Variants in HS3ST4 observed in about 807,000 individuals in gnomAD.
The protein encoded by HS3ST4 is heparan sulfate glucosamine 3-O-sulfotransferase 4.
In HS3ST4, 17 loss-of-function variants were observed where a neutral mutation model predicts 29.2. The observed-to-expected ratio is 0.58, with a 90% CI of 0.40 to 0.87. The LOEUF is 0.87. Ranked by LOEUF, HS3ST4 falls within the 40% of genes least tolerant of loss-of-function variation. The probability of loss-of-function intolerance (pLI) is 0.00; values close to 1 mark genes in which losing one functional copy is unlikely to be tolerated. For synonymous variants in HS3ST4, 314 were observed against 285.7 expected (o/e 1.10, Z -1.00); for missense variants, 627 against 634.5 (o/e 0.99, Z 0.13).
chr16:26,047,007 TAAAAA>T (rs552543911), intron 1 of HS3ST4, among the ~76,000 whole-genome samples: 24 of 151,074 alleles, frequency 1.6e-4, no homozygotes, highest in Non-Finnish European at 2.8e-4. Flanking sequence ...TCTTGCAAAA[TAAAAA>T]AAAAGAGTAA....
At chr16:25,979,336 G>A (rs1176811678) in intron 1 of HS3ST4, among the ~76,000 whole-genome samples, 4 of 152,138 alleles carry the variant, frequency 2.6e-5, no homozygotes, top group Non-Finnish European at 5.9e-5. Context: ...TTAGGAGCCG[G>A]GCCACACCAC....
chr16:26,054,784 G>A (rs1169152503), intron 1 of HS3ST4, among the ~76,000 whole-genome samples: 6 of 152,134 alleles, frequency 3.9e-5, no homozygotes, highest in African/African-American at 4.8e-5. Flanking sequence ...AGGTGCTCTG[G>A]GAGCCATCGC....
Position 26,032,715 on chromosome 16 carries a change from C to G in HS3ST4, c.735-102897C>G. On this transcript the variant is annotated intron_variant, in intron 1 of 1. Coordinates refer to ENST00000331351, the MANE Select transcript of HS3ST4 (RefSeq NM_006040.3). ...GTCTTGGGCTCTGGCTTTGGAGGAG[C>G]AGGTTTAGCAGACAACCTCGCGGAT... 4.4e-6 allele frequency: 5 copies of G among 1,139,418 alleles called. No homozygotes were observed. The South Asian group carries it at 6.1e-5, about 14-fold the overall frequency. The allele number at this position is 1,139,418 out of a possible 1,614,324, so 70.6% of individuals were successfully genotyped here. A position where few individuals can be genotyped will look rare whatever the true frequency, so the allele number is the denominator to read the frequency against.
intron 1 of HS3ST4, among the ~76,000 whole-genome samples, chr16:25,957,004 A>T (rs1044882541): frequency 9.9e-4 from 150 of 151,618 alleles, no homozygotes; most frequent in African/African-American, 3.5e-3. Flanking sequence ...TCTCAAAAAA[A>T]AAAAAAAAAA....
intron 1 of HS3ST4, among the ~76,000 whole-genome samples, chr16:25,940,875 C>A (rs1968565654): frequency 6.6e-6 from 1 of 152,186 alleles, no homozygotes; most frequent in African/African-American, 2.4e-5. Flanking sequence ...CAGCTCTCTC[C>A]CTTGCTTTCT....
intron 1 of HS3ST4, among the ~76,000 whole-genome samples, chr16:25,908,227 A>G (rs1684245428): frequency 6.6e-6 from 1 of 152,236 alleles, no homozygotes. Context: ...AAAAGCCAAG[A>G]TATGAAACAA....
At chr16:25,705,419 A>G (rs188487375) in intron 1 of HS3ST4, among the ~76,000 whole-genome samples, 1,632 of 152,236 alleles carry the variant, frequency 0.011, 32 homozygotes, top group African/African-American at 0.037. Flanking sequence ...TAATCCCAGC[A>G]CTTTGGGAGG....
At chr16:25,835,606 T>C (rs929119335) in intron 1 of HS3ST4, among the ~76,000 whole-genome samples, 6 of 152,148 alleles carry the variant, frequency 3.9e-5, no homozygotes, top group Non-Finnish European at 5.9e-5. Context: ...GTAATCCCAT[T>C]TGACAGATGA....
intron 1 of HS3ST4, among the ~76,000 whole-genome samples, chr16:26,120,978 T>C (rs1010260336): frequency 3.3e-5 from 5 of 152,238 alleles, no homozygotes; most frequent in Non-Finnish European, 7.3e-5. Flanking sequence ...AGTTAATTCC[T>C]TTCAGGCACC....
intron 1 of HS3ST4, among the ~76,000 whole-genome samples, chr16:26,026,783 C>T (rs989553043): frequency 5.3e-5 from 8 of 152,140 alleles, no homozygotes; most frequent in South Asian, 2.1e-4. Flanking sequence ...ATCAGATGTA[C>T]GCTCTGAGTC....
Position 25,877,454 on chromosome 16 carries a change from T to C in HS3ST4, c.734+184303T>C, listed in dbSNP as rs944734019. 5.9e-5 allele frequency among the ~76,000 whole-genome samples: 9 copies of C among 152,180 alleles called. No homozygotes were observed. In the South Asian group the frequency reaches 1.2e-3, roughly 21 times the overall value. Reference sequence around the variant, plus strand: ...CTCTCTGTTAATCACTCCCAGTTTCTTCAACCACCAGAGGTGTCATTCAAA... The same window carrying C: ...CTCTCTGTTAATCACTCCCAGTTTCCTCAACCACCAGAGGTGTCATTCAAA... On this transcript the variant is annotated intron_variant, in intron 1 of 1. Coordinates refer to ENST00000331351, the MANE Select transcript of HS3ST4 (RefSeq NM_006040.3).
intron 1 of HS3ST4, among the ~76,000 whole-genome samples, chr16:25,986,915 A>T (rs1341610701): frequency 6.6e-6 from 1 of 152,232 alleles, no homozygotes; most frequent in Non-Finnish European, 1.5e-5. Flanking sequence ...ATTACATTTC[A>T]TTAACAGGGA....
At chr16:26,126,139 C>T (rs1283826582) in intron 1 of HS3ST4, among the ~76,000 whole-genome samples, 2 of 152,146 alleles carry the variant, frequency 1.3e-5, no homozygotes, top group Non-Finnish European at 2.9e-5. Context: ...AGAGAGTGTC[C>T]CTCATCTTCT....
chr16:25,864,201 G>T (rs975180284), intron 1 of HS3ST4, among the ~76,000 whole-genome samples: 18 of 152,162 alleles, frequency 1.2e-4, no homozygotes, highest in African/African-American at 4.3e-4. Context: ...AATAAAAATT[G>T]CATGTATTTA....
At chr16:25,694,767 GT>G (rs796292619) in intron 1 of HS3ST4, among the ~76,000 whole-genome samples, 389 of 144,782 alleles carry the variant, frequency 2.7e-3, no homozygotes, top group African/African-American at 7.9e-3. Flanking sequence ...GGGTAATTGC[GT>G]TTTTTTTTTT....
At chr16:25,793,273 G>A (rs985636410) in intron 1 of HS3ST4, among the ~76,000 whole-genome samples, 5 of 151,948 alleles carry the variant, frequency 3.3e-5, no homozygotes, top group African/African-American at 1.2e-4. Flanking sequence ...ATGCAGCATT[G>A]CGTATATTTC....
At chr16:25,707,972 T>C (rs2141583532) in intron 1 of HS3ST4, among the ~76,000 whole-genome samples, 1 of 152,344 alleles carries the variant, frequency 6.6e-6, no homozygotes, top group Non-Finnish European at 1.5e-5. Context: ...AACAGTGTCA[T>C]CATTGACATA....
chr16:25,862,898 GTGTC>G (rs755446440), intron 1 of HS3ST4, among the ~76,000 whole-genome samples: 2 of 152,190 alleles, frequency 1.3e-5, no homozygotes, highest in Non-Finnish European at 2.9e-5. Flanking sequence ...CCCACCCACT[GTGTC>G]TGAGCATTCC....
At chr16:25,697,894 A>G (rs910332266) in intron 1 of HS3ST4, among the ~76,000 whole-genome samples, 15 of 151,968 alleles carry the variant, frequency 9.9e-5, no homozygotes, top group African/African-American at 3.6e-4. Flanking sequence ...GATGGTCTCG[A>G]TCGCTTGACT....
Sources: allele counts gnomAD v4.1 joint callset (sites outside exome capture counted in the v4.1 genomes callset), GRCh38; gene constraint gnomAD v4.1.1; transcripts MANE v1.5; gene names NCBI Gene and HGNC (gene_info 2026-07-23, HGNC 2026-07-21).